PSD3: variants seen among roughly 807,000 people sequenced by gnomAD.
The protein encoded by PSD3 is PH and SEC7 domain-containing protein 3.
A neutral mutation model predicts 105.5 loss-of-function variants in PSD3; 49 were observed. The ratio of observed to expected loss-of-function variants is 0.46; its 90% CI spans 0.37 to 0.59. The LOEUF (loss-of-function observed/expected upper bound fraction) is 0.59, where lower values mean the gene tolerates loss of function less well. PSD3 is among the 20% of genes least tolerant of loss of function. The pLI, the probability that PSD3 is intolerant of heterozygous loss-of-function variation, is 0.00. For synonymous variants in PSD3, 557 were observed against 457.8 expected, an observed-to-expected ratio of 1.22 and a Z score of -2.77; for missense variants, 1,561 against 1,263.8, an observed-to-expected ratio of 1.24 and a Z score of -3.57.
At chr8:18,867,329 G>C (rs1216553234) in intron 4 of PSD3, among the ~76,000 whole-genome samples, 2 of 152,174 alleles carry the variant, frequency 1.3e-5, no homozygotes, top group African/African-American at 4.8e-5. Context: ...CTCAGTGCCA[G>C]ACTAAAGCTA....
intron 9 of PSD3, among the ~76,000 whole-genome samples, chr8:18,739,375 T>G (rs890935830): frequency 6.6e-6 from 1 of 152,140 alleles, no homozygotes; most frequent in Non-Finnish European, 1.5e-5. Context: ...CAAGAGTATT[T>G]AAAGAAACAA....
intron 1 of PSD3, among the ~76,000 whole-genome samples, chr8:18,944,246 C>T (rs1000793791): frequency 2.0e-5 from 3 of 152,142 alleles, no homozygotes; most frequent in Admixed American, 6.5e-5. Context: ...CCAGGTTTCA[C>T]CACTGAGAAA....
chr8:18,921,003 C>G (rs964228331), intron 2 of PSD3, among the ~76,000 whole-genome samples: 14 of 152,170 alleles, frequency 9.2e-5, no homozygotes, highest in Non-Finnish European at 1.6e-4. Flanking sequence ...CAAATATTTA[C>G]ATAAATTCTA....
intron 2 of PSD3, among the ~76,000 whole-genome samples, chr8:18,893,216 G>C (rs77020546): frequency 0.011 from 1,702 of 152,218 alleles, 8 homozygotes; most frequent in Non-Finnish European, 0.019. Flanking sequence ...GAATCACAGG[G>C]TGCGGGGTCA....
chr8:18,766,377 T>G (rs954862021), intron 8 of PSD3, among the ~76,000 whole-genome samples: 1 of 152,164 alleles, frequency 6.6e-6, no homozygotes, highest in African/African-American at 2.4e-5. Flanking sequence ...TACACATACA[T>G]ACAATTTTAC....
intron 1 of PSD3, among the ~76,000 whole-genome samples, chr8:19,021,560 A>AC (rs1563514246): frequency 2.3e-5 from 3 of 131,422 alleles, no homozygotes; most frequent in African/African-American, 7.8e-5. Context: ...TTTTGTTACA[A>AC]AAAAAAAAAA....
chr8:18,766,028 T>C (rs1806969139), intron 8 of PSD3, among the ~76,000 whole-genome samples: 1 of 150,282 alleles, frequency 6.7e-6, no homozygotes, highest in African/African-American at 2.5e-5. Context: ...TAACTAGACA[T>C]CTATTTACAA....
At chr8:18,946,902 C>T (rs1051490056) in intron 1 of PSD3, among the ~76,000 whole-genome samples, 2 of 149,736 alleles carry the variant, frequency 1.3e-5, no homozygotes, top group Non-Finnish European at 3.0e-5. Flanking sequence ...AAGACTCCAT[C>T]TCAAAAAATA....
intron 2 of PSD3, among the ~76,000 whole-genome samples, chr8:18,922,818 G>A (rs541728658): frequency 3.1e-4 from 47 of 152,246 alleles, no homozygotes; most frequent in African/African-American, 1.1e-3. Flanking sequence ...TCTGATAAAG[G>A]CTGTTACAAA....
intron 9 of PSD3, 116 bp from the exon 10 acceptor site, chr8:18,655,801 A>G (rs992401199): frequency 1.1e-6 from 1 of 936,568 alleles, no homozygotes; most frequent in Non-Finnish European, 1.7e-6. Context: ...CCCCCTTGTC[A>G]GTCACCTTGC....
intron 4 of PSD3, among the ~76,000 whole-genome samples, chr8:18,822,025 C>A (rs1812784739): frequency 6.6e-6 from 1 of 152,058 alleles, no homozygotes; most frequent in Admixed American, 6.6e-5. Context: ...TTAGCAAAGA[C>A]AATAAAGACG....
intron 1 of PSD3, among the ~76,000 whole-genome samples, chr8:19,052,155 G>A (rs1001807981): frequency 2.6e-5 from 4 of 152,172 alleles, no homozygotes; most frequent in African/African-American, 9.7e-5. Context: ...ACTGTGGTGA[G>A]AAAGTCAGAA....
At chr8:18,895,982 C>T (rs1819124443) in intron 2 of PSD3, among the ~76,000 whole-genome samples, 1 of 152,212 alleles carries the variant, frequency 6.6e-6, no homozygotes, top group African/African-American at 2.4e-5. Flanking sequence ...CTCCACACTT[C>T]CCTGCCTCTA....
At chr8:18,622,055 A>G (rs1585415504) in intron 11 of PSD3, among the ~76,000 whole-genome samples, 1 of 152,072 alleles carries the variant, frequency 6.6e-6, no homozygotes, top group African/African-American at 2.4e-5. Flanking sequence ...AACCTCTCCA[A>G]CCTTGTCAAG....
intron 9 of PSD3, among the ~76,000 whole-genome samples, chr8:18,745,013 A>G (rs1230081119): frequency 6.6e-6 from 1 of 152,252 alleles, no homozygotes; most frequent in Non-Finnish European, 1.5e-5. Context: ...ATTTTGGGAA[A>G]GAGAAGTGAT....
chr8:18,861,546 T>C (rs1816451887), intron 4 of PSD3, among the ~76,000 whole-genome samples: 1 of 152,146 alleles, frequency 6.6e-6, no homozygotes, highest in Non-Finnish European at 1.5e-5. Context: ...GGTGTCCTCC[T>C]ACCAACCTGC....
chr8:18,902,065 G>C (rs1445259070), intron 2 of PSD3, among the ~76,000 whole-genome samples: 1 of 152,086 alleles, frequency 6.6e-6, no homozygotes, highest in Non-Finnish European at 1.5e-5. Context: ...GGAGACTTTT[G>C]AGATTCCTGG....
At chr8:18,579,096 CCACACACACA>C (rs3988324) in intron 12 of PSD3, among the ~76,000 whole-genome samples, 117 of 143,646 alleles carry the variant, frequency 8.1e-4, no homozygotes, top group African/African-American at 2.9e-3. Flanking sequence ...AGCTCCAAGT[CCACACACACA>C]CACACACACA....
intron 1 of PSD3, among the ~76,000 whole-genome samples, chr8:19,063,744 G>A (rs996287148): frequency 3.9e-5 from 6 of 152,190 alleles, no homozygotes; most frequent in Non-Finnish European, 7.3e-5. Flanking sequence ...GCCTGAAGGT[G>A]CATAGTCAGA....
Sources: allele counts gnomAD v4.1 joint callset (sites outside exome capture counted in the v4.1 genomes callset), GRCh38; gene constraint gnomAD v4.1.1; transcripts MANE v1.5; gene names NCBI Gene and HGNC (gene_info 2026-07-23, HGNC 2026-07-21).